Variants in TSPAN9 observed in about 807,000 individuals in gnomAD.
TSPAN9 encodes the protein tetraspanin-9.
In TSPAN9, 16 loss-of-function variants were observed where a neutral mutation model predicts 31.0. The ratio of observed to expected loss-of-function variants is 0.52; its 90% confidence interval spans 0.35 to 0.78. The LOEUF is 0.78. Among genes scored for constraint, TSPAN9 ranks in the 30% least tolerant of loss-of-function variants. TSPAN9 has a pLI of 0.01. For synonymous variants in TSPAN9, 145 were observed against 121.6 expected, an observed-to-expected ratio of 1.19 and a Z score of -1.27; for missense variants, 272 against 312.5, an observed-to-expected ratio of 0.87 and a Z score of 0.98.
rs71577840 is a variant in TSPAN9, at chr12:3,280,805, A to G, written c.432+322A>G. On this transcript the variant is annotated intron_variant, in intron 6 of 8. Coordinates refer to ENST00000011898, the MANE Select transcript of TSPAN9 (RefSeq NM_006675.5). This position sits in a 1 kb window ranked among gnomAD's most constrained non-coding sequence, Gnocchi z 4.5. ...GCTTAGGTGAGGAGGCCCTGGCTCT[A>G]GGAGGAGAACAAGTCCATAGTCCCA... Among the ~76,000 whole-genome samples the G allele has an allele frequency of 5.7e-4, 87 of 152,266 alleles. No individual in the cohort carries two copies. Among genetic ancestry groups the G allele is most frequent in the Middle Eastern group, 3.4e-3 (1 of 294 alleles).
At chr12:3,258,910 G>A (rs576206592) in intron 3 of TSPAN9, among the ~76,000 whole-genome samples, 20 of 152,282 alleles carry the variant, frequency 1.3e-4, no homozygotes, top group Admixed American at 6.5e-4. Flanking sequence ...CCTTAAGGTG[G>A]GATCCTGAGA....
intron 3 of TSPAN9, among the ~76,000 whole-genome samples, chr12:3,239,832 G>A (rs1041541163): frequency 6.6e-6 from 1 of 152,080 alleles, no homozygotes; most frequent in African/African-American, 2.4e-5. Context: ...TAAGGAAGGA[G>A]CTGAGTGCAG....
intron 2 of TSPAN9, among the ~76,000 whole-genome samples, chr12:3,171,228 T>A (rs1415353075): frequency 6.6e-6 from 1 of 152,216 alleles, no homozygotes; most frequent in Non-Finnish European, 1.5e-5. Context: ...ATATATATAT[T>A]CTTTTTTCTT....
chr12:3,151,061 G>C (rs2098339503), intron 2 of TSPAN9: 1 of 152,232 alleles, frequency 6.6e-6, no homozygotes, highest in African/African-American at 2.4e-5. Flanking sequence ...TGGAGATCAG[G>C]TCCCTGAAGA....
chr12:3,241,470 G>A (rs2098396539), intron 3 of TSPAN9, among the ~76,000 whole-genome samples: 1 of 152,108 alleles, frequency 6.6e-6, no homozygotes, highest in African/African-American at 2.4e-5. Context: ...TTTTAGGTGA[G>A]GAAAAATGGT....
chr12:3,267,301 G>C (rs1231565514), intron 3 of TSPAN9, among the ~76,000 whole-genome samples: 1 of 152,210 alleles, frequency 6.6e-6, no homozygotes, highest in African/African-American at 2.4e-5. Flanking sequence ...ATATTCTGAG[G>C]AACACAAAGT....
chr12:3,119,505 TGCCC>T (rs1244269127), intron 2 of TSPAN9, among the ~76,000 whole-genome samples: 3 of 152,182 alleles, frequency 2.0e-5, no homozygotes, highest in Non-Finnish European at 4.4e-5. Context: ...GAAATGCCCT[TGCCC>T]GTGTGATGTT....
chr12:3,229,164 G>A (rs1456555636), intron 3 of TSPAN9, among the ~76,000 whole-genome samples: 1 of 152,164 alleles, frequency 6.6e-6, no homozygotes, highest in Non-Finnish European at 1.5e-5. Context: ...TCAACCCATG[G>A]CATAGAGCAT....
At chr12:3,178,712 G>A (rs876516) in intron 2 of TSPAN9, among the ~76,000 whole-genome samples, 28,595 of 152,204 alleles carry the variant, frequency 0.19, 3,368 homozygotes, top group South Asian at 0.37. Flanking sequence ...ATGTCAACGA[G>A]ACGGGTGGTG....
chr12:3,253,298 G>A (rs541551552), intron 3 of TSPAN9, among the ~76,000 whole-genome samples: 1 of 152,348 alleles, frequency 6.6e-6, no homozygotes, highest in South Asian at 2.1e-4. Flanking sequence ...CTGCCTGCCG[G>A]CTCAGTGAAC....
intron 3 of TSPAN9, among the ~76,000 whole-genome samples, chr12:3,237,378 G>A (rs1273333489): frequency 6.6e-6 from 1 of 152,176 alleles, no homozygotes; most frequent in East Asian, 1.9e-4. Context: ...AGCATTCTGT[G>A]AGGCCGTTCT....
chr12:3,235,116 GA>G (rs2098392685), intron 3 of TSPAN9, among the ~76,000 whole-genome samples: 1 of 78,586 alleles, frequency 1.3e-5, no homozygotes, highest in Non-Finnish European at 3.1e-5. Context: ...GCAGTGAGCG[GA>G]GCTTGCAGTG....
At chr12:3,210,075 G>T (rs1004389044) in intron 3 of TSPAN9, among the ~76,000 whole-genome samples, 5 of 148,776 alleles carry the variant, frequency 3.4e-5, no homozygotes, top group African/African-American at 1.2e-4. Flanking sequence ...GGCCGAGCTT[G>T]CAGTAGCCGA....
intron 1 of TSPAN9, among the ~76,000 whole-genome samples, chr12:3,081,926 G>A (rs573523299): frequency 1.7e-4 from 26 of 150,920 alleles, no homozygotes; most frequent in Non-Finnish European, 3.1e-4. Flanking sequence ...GAGTTCAGGA[G>A]TTCGAGGCTT....
Position 3,278,902 on chromosome 12 carries a change from C to T in TSPAN9, c.256-90C>T, listed in dbSNP as rs572517688. The T allele has an allele frequency of 3.4e-5, 47 of 1,401,398 alleles. No homozygotes were observed. The East Asian group carries it at 8.9e-4, about 27-fold the overall frequency. 86.8% of individuals were successfully genotyped at this position (1,401,398 alleles called of 1,614,324 possible). A position where few individuals can be genotyped will look rare whatever the true frequency, so the allele number is the denominator to read the frequency against. On this transcript the variant is annotated intron_variant, in intron 4 of 8. Coordinates refer to ENST00000011898, the MANE Select transcript of TSPAN9 (RefSeq NM_006675.5). Reference sequence around the variant, plus strand: ...TTCTCCCAGACCTGGGAAGCCCCACCTAGGCGCCGCCTGTCCCTGCCTTCC... The same window carrying T: ...TTCTCCCAGACCTGGGAAGCCCCACTTAGGCGCCGCCTGTCCCTGCCTTCC...
intron 3 of TSPAN9, among the ~76,000 whole-genome samples, chr12:3,243,283 ATG>A (rs2098397579): frequency 6.6e-6 from 1 of 151,996 alleles, no homozygotes; most frequent in Admixed American, 6.6e-5. Flanking sequence ...CAGCCACTGT[ATG>A]TGGAGTGTTT....
chr12:3,139,096 T>C (rs1380152532), intron 2 of TSPAN9, among the ~76,000 whole-genome samples: 2 of 152,130 alleles, frequency 1.3e-5, no homozygotes, highest in Non-Finnish European at 2.9e-5. Context: ...AGTGCTCAGT[T>C]TTCTGGGCTG....
At chr12:3,089,578 A>C (rs534059551) in intron 2 of TSPAN9, among the ~76,000 whole-genome samples, 168 of 152,070 alleles carry the variant, frequency 1.1e-3, no homozygotes, top group African/African-American at 3.9e-3. Context: ...TACAGGTGTG[A>C]GCCACTGCGC....
chr12:3,093,562 G>A (rs1387793416), intron 2 of TSPAN9, among the ~76,000 whole-genome samples: 1 of 152,150 alleles, frequency 6.6e-6, no homozygotes, highest in African/African-American at 2.4e-5. Flanking sequence ...TCTGTTGCAG[G>A]GAACAGAGGG....
Sources: allele counts gnomAD v4.1 joint callset (sites outside exome capture counted in the v4.1 genomes callset), GRCh38; gene constraint gnomAD v4.1.1; non-coding constraint Gnocchi (gnomAD v3.1); transcripts MANE v1.5; gene names NCBI Gene and HGNC (gene_info 2026-07-23, HGNC 2026-07-21).